The following NSMCE2 variants were observed in gnomAD, a reference collection of about 807,000 sequenced individuals.
NSMCE2 encodes the protein NSE2 SUMO ligase component of SMC5/6 complex.
In NSMCE2, 24 loss-of-function variants were observed where a neutral mutation model predicts 23.8. The observed-to-expected ratio is 1.01, with a 90% CI of 0.73 to 1.42. NSMCE2 has a LOEUF of 1.42. Ranked by LOEUF, NSMCE2 falls within the 40% of genes most tolerant of loss-of-function variation. The pLI, the probability that NSMCE2 is intolerant of heterozygous loss-of-function variation, is 0.00. For synonymous variants in NSMCE2, 92 were observed against 94.1 expected, an observed-to-expected ratio of 0.98 and a Z score of 0.13; for missense variants, 284 against 296.5, an observed-to-expected ratio of 0.96 and a Z score of 0.31.
intron 5 of NSMCE2, among the ~76,000 whole-genome samples, chr8:125,236,801 T>C (rs1825574935): frequency 6.6e-6 from 1 of 152,018 alleles, no homozygotes; most frequent in Non-Finnish European, 1.5e-5. Flanking sequence ...GTACACTATC[T>C]TTCTTTTCTT....
rs35990794 is a variant in NSMCE2 at position 125,267,003 on chromosome 8, C to CTTTTT, written c.418+84762_418+84766dup. Among the ~76,000 whole-genome samples the CTTTTT allele has an allele frequency of 4.7e-3, 525 of 111,864 alleles. 3 individuals carry two copies. The highest frequency in any genetic ancestry group is 6.6e-3 in the Non-Finnish European group (372 of 56,738). The allele number at this position is 111,864 out of a possible 152,430, so 73.4% of individuals were successfully genotyped here. On this transcript the variant is annotated intron_variant, in intron 5 of 7. Coordinates refer to ENST00000287437, the MANE Select transcript of NSMCE2 (RefSeq NM_173685.4). ...AAAGCATAACTTTTCTTTTTTCTTTCTTTTTTTTTTTTTTTTTTTGAGACA... is the reference window on the plus strand; with the variant it reads ...AAAGCATAACTTTTCTTTTTTCTTTCTTTTTTTTTTTTTTTTTTTTTTTTGAGACA...
At chr8:125,227,984 A>G (rs1330635899) in intron 5 of NSMCE2, among the ~76,000 whole-genome samples, 1 of 152,182 alleles carries the variant, frequency 6.6e-6, no homozygotes, top group South Asian at 2.1e-4. Context: ...TCTTTGAATC[A>G]TTACCCTCTA....
At chr8:125,120,254 G>A (rs1033154221) in intron 3 of NSMCE2, among the ~76,000 whole-genome samples, 1 of 152,176 alleles carries the variant, frequency 6.6e-6, no homozygotes, top group Non-Finnish European at 1.5e-5. Flanking sequence ...CTGTGTCAGA[G>A]AAGGGCAAGA....
chr8:125,257,671 C>A (rs1826501028), intron 5 of NSMCE2, among the ~76,000 whole-genome samples: 1 of 151,852 alleles, frequency 6.6e-6, no homozygotes, highest in Admixed American at 6.6e-5. Context: ...GTAGCTGGGA[C>A]TACAGGCGCT....
intron 5 of NSMCE2, among the ~76,000 whole-genome samples, chr8:125,292,729 G>C (rs1174216410): frequency 6.6e-6 from 1 of 152,192 alleles, no homozygotes; most frequent in African/African-American, 2.4e-5. Flanking sequence ...GTGATTCCCT[G>C]GTTCTGTCAG....
chr8:125,229,197 C>T (rs79867381), intron 5 of NSMCE2, among the ~76,000 whole-genome samples: 2 of 152,104 alleles, frequency 1.3e-5, no homozygotes, highest in Non-Finnish European at 2.9e-5. Flanking sequence ...AGAACCTGAA[C>T]TACTGCAGTG....
intron 4 of NSMCE2, among the ~76,000 whole-genome samples, chr8:125,157,735 C>T (rs1821398955): frequency 6.6e-6 from 1 of 152,182 alleles, no homozygotes; most frequent in African/African-American, 2.4e-5. Flanking sequence ...TGATTTTCAC[C>T]GTTACCTCAT....
At chr8:125,332,374 T>C (rs1261086833) in intron 5 of NSMCE2, among the ~76,000 whole-genome samples, 2 of 152,196 alleles carry the variant, frequency 1.3e-5, no homozygotes, top group East Asian at 3.8e-4. Flanking sequence ...CTAATAGTAT[T>C]GTATGGTTTA....
rs74344708 is a variant in NSMCE2 at position 125,321,260 on chromosome 8, AT to A, written c.419-35951del. 6.6e-5 allele frequency among the ~76,000 whole-genome samples: 10 copies of A among 152,214 alleles called. No homozygotes were observed. In the South Asian group the frequency reaches 1.5e-3, roughly 22 times the overall value. ...TGGTAACTACATGAATACACACAGG[AT>A]TTTTTTTCTTAATATTCTAACCTCT... On this transcript the variant is annotated intron_variant, in intron 5 of 7. Coordinates refer to ENST00000287437, the MANE Select transcript of NSMCE2 (RefSeq NM_173685.4).
At chr8:125,309,489 A>C (rs896592427) in intron 5 of NSMCE2, among the ~76,000 whole-genome samples, 3 of 152,108 alleles carry the variant, frequency 2.0e-5, no homozygotes, top group African/African-American at 4.8e-5. Flanking sequence ...TCGGGAGGCC[A>C]ATGGGGGAGG....
At chr8:125,235,841 A>G (rs1825524445) in intron 5 of NSMCE2, among the ~76,000 whole-genome samples, 1 of 152,102 alleles carries the variant, frequency 6.6e-6, no homozygotes, top group Non-Finnish European at 1.5e-5. Context: ...TTTATTGCAT[A>G]TTTCACTATT....
At chr8:125,277,407 G>A (rs1206713012) in intron 5 of NSMCE2, among the ~76,000 whole-genome samples, 2 of 152,186 alleles carry the variant, frequency 1.3e-5, no homozygotes, top group African/African-American at 2.4e-5. Context: ...AACAATTTTA[G>A]AGATCTCAAA....
intron 5 of NSMCE2, among the ~76,000 whole-genome samples, chr8:125,245,161 T>TAAGCCCAGCTACTGGGGAGGATGAGGC (rs1477598049): frequency 6.6e-6 from 1 of 152,074 alleles, no homozygotes; most frequent in East Asian, 1.9e-4. Flanking sequence ...TGGACACCTG[T>TAAGCCCAGCTACTGGGGAGGATGAGGC]AAGCCCAGCT....
rs994432131 is a variant in NSMCE2, at chr8:125,343,899, G to A, written c.419-13320G>A. Reference sequence around the variant, plus strand: ...CGGGCGCCTGTAGTCCCAGCTACTCGGGAGGCTGAGGCAGGAGAATGGCAT... The same window carrying A: ...CGGGCGCCTGTAGTCCCAGCTACTCAGGAGGCTGAGGCAGGAGAATGGCAT... On this transcript the variant is annotated intron_variant, in intron 5 of 7. Coordinates refer to ENST00000287437, the MANE Select transcript of NSMCE2 (RefSeq NM_173685.4). Among the ~76,000 whole-genome samples the A allele has an allele frequency of 2.6e-5, 4 of 152,068 alleles. No homozygotes were observed. The South Asian group carries it at 6.2e-4, about 24-fold the overall frequency.
At chr8:125,312,626 A>T (rs1428538260) in intron 5 of NSMCE2, among the ~76,000 whole-genome samples, 7 of 152,234 alleles carry the variant, frequency 4.6e-5, no homozygotes, top group Admixed American at 4.6e-4. Flanking sequence ...TTCTGTCTTA[A>T]ATAAGTAAAT....
intron 5 of NSMCE2, among the ~76,000 whole-genome samples, chr8:125,266,698 G>A (rs148666242): frequency 6.6e-6 from 1 of 152,172 alleles, no homozygotes; most frequent in Non-Finnish European, 1.5e-5. Flanking sequence ...CAGTATACCT[G>A]TTGGGGATGA....
chr8:125,287,684 C>G (rs1222045594), intron 5 of NSMCE2, among the ~76,000 whole-genome samples: 1 of 152,164 alleles, frequency 6.6e-6, no homozygotes, highest in Non-Finnish European at 1.5e-5. Context: ...TGTCCCGTGT[C>G]TAGCTAATGC....
At chr8:125,166,295 T>A (rs1157780920) in intron 4 of NSMCE2, among the ~76,000 whole-genome samples, 1 of 152,092 alleles carries the variant, frequency 6.6e-6, no homozygotes, top group African/African-American at 2.4e-5. Flanking sequence ...TGAGACAGAG[T>A]CTCGCTCTGT....
chr8:125,187,718 G>A (rs1169309530), intron 5 of NSMCE2, among the ~76,000 whole-genome samples: 1 of 151,954 alleles, frequency 6.6e-6, no homozygotes, highest in African/African-American at 2.4e-5. Flanking sequence ...TGTTTTGAAA[G>A]TTTCTAAGAT....
Sources: allele counts gnomAD v4.1 joint callset (sites outside exome capture counted in the v4.1 genomes callset), GRCh38; gene constraint gnomAD v4.1.1; transcripts MANE v1.5; gene names NCBI Gene and HGNC (gene_info 2026-07-23, HGNC 2026-07-21).